SLC3A1: variants seen among roughly 807,000 people sequenced by gnomAD.
SLC3A1 encodes the protein amino acid transporter heavy chain SLC3A1.
Under a neutral mutation model 60.3 loss-of-function variants are expected in SLC3A1, and 78 were observed. The ratio of observed to expected loss-of-function variants is 1.29; its 90% CI spans 1.08 to 1.56. The LOEUF (loss-of-function observed/expected upper bound fraction) is 1.56, where lower values mean the gene tolerates loss of function less well. SLC3A1 is among the 40% of genes most tolerant of loss of function. The pLI is 0.00. For missense variants in SLC3A1, 1,172 were observed against 858.9 expected, an observed-to-expected ratio of 1.36 and a Z score of -4.56; for synonymous variants, 392 against 307.9, an observed-to-expected ratio of 1.27 and a Z score of -2.86.
chr2:44,321,308 C>A lies in SLC3A1; in HGVS notation c.*669C>A. ...TTTGCTAACTCAATTGGAAGTAAGA[C>A]TATGAAATATTTCAGTGTGTTTCCA... is the stretch of plus-strand genomic sequence containing the variant. On this transcript the variant is annotated 3_prime_UTR_variant, in exon 10 of 10. Transcript: ENST00000260649. 7.0e-7 allele frequency: 1 copy of A among 1,436,418 alleles called. No individual in the cohort carries two copies. The highest frequency in any genetic ancestry group is 9.7e-7 in the Non-Finnish European group (1 of 1,030,062). 89.0% of individuals were successfully genotyped at this position (1,436,418 alleles called of 1,614,324 possible). A position where few individuals can be genotyped will look rare whatever the true frequency, so the allele number is the denominator to read the frequency against.
At position 44,313,920 on chromosome 2, in the gene SLC3A1, C is replaced by G; in HGVS notation, c.1586C>G (p.Thr529Ser). The G allele has an allele frequency of 6.2e-7, 1 of 1,614,038 alleles. No individual in the cohort carries two copies. The change falls in exon 9 of 10, where the codon ACC becomes AGC. Residue 529 changes from threonine to serine, a missense_variant. Coordinates refer to ENST00000260649, the MANE Select transcript of SLC3A1 (RefSeq NM_000341.4). ...GAAGCTAGTAACACCTGGTTACCTA[C>G]CAATTCAGATTACCACACTGTGAAT... The part of the protein sequence containing the change: ...FSEASNTWLP[T>S]NSDYHTVNVD...
chr2:44,303,759 T>C, intron 6 of SLC3A1: 1 of 349,514 alleles, frequency 2.9e-6, no homozygotes, highest in South Asian at 3.0e-5. Context: ...GGCCCCGGTG[T>C]GTGATGTTCC....
chr2:44,277,577 C>T (rs1160033420), intron 1 of SLC3A1, among the ~76,000 whole-genome samples: 1 of 152,156 alleles, frequency 6.6e-6, no homozygotes, highest in African/African-American at 2.4e-5. Context: ...GTGTTTCTAG[C>T]ATCCTTTAAT....
chr2:44,284,155 C>T (rs1231586138), intron 3 of SLC3A1, among the ~76,000 whole-genome samples: 2 of 152,182 alleles, frequency 1.3e-5, no homozygotes, highest in Non-Finnish European at 2.9e-5. Flanking sequence ...TCTTGGCTCA[C>T]TGCAACCTCT....
In SLC3A1 at chr2:44,320,397, A is replaced by C. The variant is rs1349022558; in HGVS notation, c.1816A>C (p.Asn606His). The C allele has an allele frequency of 6.2e-7, 1 of 1,614,104 alleles. No individual in the cohort carries two copies. Among genetic ancestry groups the C allele is most frequent in the Admixed American group, 1.7e-5 (1 of 60,018 alleles). ...VLNFGESTLL[N>H]LHNMISGLPA... ...GAATTTTGGAGAATCAACACTGTTA[A>C]ATCTACATAATATGATTTCGGGCCT... is the stretch of plus-strand genomic sequence containing the variant. Residue 606 changes from asparagine to histidine, a missense_variant, in exon 10 of 10, where the codon AAT becomes CAT. Asn to His is a moderately conservative substitution (Grantham distance 68). Coordinates refer to ENST00000260649, the MANE Select transcript of SLC3A1 (RefSeq NM_000341.4).
In SLC3A1 at chr2:44,320,182, C is replaced by A; in HGVS notation, c.1618-17C>A. On this transcript the variant is annotated splice_polypyrimidine_tract_variant and intron_variant, in intron 9 of 9. Transcript: ENST00000260649. Reference sequence around the variant, plus strand: ...TTAGAATCAAACACTTACGTAAATACTTTTTTAAAAAAATAGGTCCAAAAG... The same window carrying A: ...TTAGAATCAAACACTTACGTAAATAATTTTTTAAAAAAATAGGTCCAAAAG... 1 of 1,599,664 alleles carries A rather than the reference C, an allele frequency of 6.3e-7. No homozygotes were observed. The highest frequency in any genetic ancestry group is 8.6e-7 in the Non-Finnish European group (1 of 1,168,102).
chr2:44,318,251 C>T (rs555078924), intron 9 of SLC3A1: 12 of 308,912 alleles, frequency 3.9e-5, no homozygotes, highest in Middle Eastern at 9.3e-4. Flanking sequence ...TCATTATGCC[C>T]GGGTAATTTC....
chr2:44,320,894 C>A lies in SLC3A1; in HGVS notation c.*255C>A. ...CAGGGATGACCAGAACACATTAGGA[C>A]CCCAGATTATTCAAAAACTTTAACG... On this transcript the variant is annotated 3_prime_UTR_variant, in exon 10 of 10. Transcript: ENST00000260649. The A allele has an allele frequency of 2.1e-6, 1 of 485,556 alleles. No individual in the cohort carries two copies. The highest frequency in any genetic ancestry group is 3.7e-6 in the Non-Finnish European group (1 of 271,950). The allele number at this position is 485,556 out of a possible 1,614,324, so 30.1% of individuals were successfully genotyped here. A position where few individuals can be genotyped will look rare whatever the true frequency, so the allele number is the denominator to read the frequency against.
At chr2:44,280,916 G>T in intron 2 of SLC3A1, 21 bp downstream of exon 2, 2 of 1,606,660 alleles carry the variant, frequency 1.2e-6, no homozygotes, top group Non-Finnish European at 1.7e-6. Flanking sequence ...TGGAAAGTGG[G>T]CAAGATGGGG....
At chr2:44,317,215 C>T (rs1319153321) in intron 9 of SLC3A1, among the ~76,000 whole-genome samples, 1 of 152,156 alleles carries the variant, frequency 6.6e-6, no homozygotes, top group Non-Finnish European at 1.5e-5. Flanking sequence ...ATAATCCCAG[C>T]ACTTTGGGAG....
chr2:44,309,257 G>A (rs1034344033), intron 7 of SLC3A1, among the ~76,000 whole-genome samples: 2 of 151,980 alleles, frequency 1.3e-5, no homozygotes, highest in Non-Finnish European at 2.9e-5. Context: ...TCTATTTTCA[G>A]CCTCTATAAA....
rs899310742 is a variant in SLC3A1, at chr2:44,312,838, T to C, written c.1500+85T>C. 4.7e-6 allele frequency: 5 copies of C among 1,062,946 alleles called. No individual in the cohort carries two copies. The African/African-American group carries it at 6.3e-5, about 13-fold the overall frequency. 65.8% of individuals were successfully genotyped at this position (1,062,946 alleles called of 1,614,324 possible). ...TTTTTTGCCAAATCAGAGAACTTACTATCTCTCTATTGCATTGCTGAAAAT... is the reference window on the plus strand; with the variant it reads ...TTTTTTGCCAAATCAGAGAACTTACCATCTCTCTATTGCATTGCTGAAAAT... On this transcript the variant is annotated intron_variant, in intron 8 of 9. Coordinates refer to ENST00000260649, the MANE Select transcript of SLC3A1 (RefSeq NM_000341.4).
At chr2:44,282,628 TTTC>T (rs1671526789) in intron 3 of SLC3A1, among the ~76,000 whole-genome samples, 2 of 152,142 alleles carry the variant, frequency 1.3e-5, no homozygotes, top group Admixed American at 1.3e-4. Context: ...TGGACCATAC[TTTC>T]TTTTTTATTT....
Position 44,320,980 on chromosome 2 carries a change from G to T in SLC3A1, c.*341G>T. ...AATGCAGTCATAGAAATTAGAGGAT[G>T]ACTCACTGCCACAGTGTCTAAAAGC... On this transcript the variant is annotated 3_prime_UTR_variant, in exon 10 of 10. Transcript: ENST00000260649. 2.5e-6 allele frequency: 1 copy of T among 399,520 alleles called. No homozygotes were observed. The allele number at this position is 399,520 out of a possible 1,614,324, so 24.7% of individuals were successfully genotyped here. A position where few individuals can be genotyped will look rare whatever the true frequency, so the allele number is the denominator to read the frequency against.
intron 3 of SLC3A1, among the ~76,000 whole-genome samples, chr2:44,284,090 T>A (rs531262752): frequency 6.6e-6 from 1 of 152,260 alleles, no homozygotes; most frequent in South Asian, 2.1e-4. Flanking sequence ...GGCTTCTTTT[T>A]TTTATTTTTG....
chr2:44,322,360 T>A (rs539685734), downstream of SLC3A1, among the ~76,000 whole-genome samples: 2 of 152,192 alleles, frequency 1.3e-5, no homozygotes, highest in South Asian at 4.1e-4. Context: ...TGGGCACTGA[T>A]GGCCCAAAAC....
At chr2:44,321,722 T>A (rs769433508), downstream of SLC3A1, 1 of 1,600,780 alleles carries the variant, frequency 6.2e-7, no homozygotes, top group Non-Finnish European at 8.5e-7. Flanking sequence ...AGATAGGACA[T>A]TTGTGAAGTG....
chr2:44,308,385 C>T (rs1461672822), intron 7 of SLC3A1, among the ~76,000 whole-genome samples: 1 of 152,150 alleles, frequency 6.6e-6, no homozygotes, highest in Non-Finnish European at 1.5e-5. Flanking sequence ...GAATAGCCAA[C>T]TGGGATTTTG....
At chr2:44,284,171 C>T (rs1284414565) in intron 3 of SLC3A1, among the ~76,000 whole-genome samples, 1 of 152,154 alleles carries the variant, frequency 6.6e-6, no homozygotes, top group Admixed American at 6.5e-5. Context: ...CCTCTGCCTC[C>T]TCAGTTCAAG....
Sources: gnomAD v4.1 joint callset for allele counts (sites outside exome capture counted in the v4.1 genomes callset) on GRCh38, gnomAD v4.1.1 for gene constraint, MANE v1.5 for transcripts, NCBI Gene and HGNC (gene_info 2026-07-23, HGNC 2026-07-21) for gene names.